The following SCRN1 variants were observed in gnomAD, a reference collection of about 807,000 sequenced individuals.
SCRN1 encodes secernin 1.
In SCRN1, 19 loss-of-function variants were observed where a neutral mutation model predicts 43.3. The observed-to-expected ratio is 0.44, with a 90% CI of 0.31 to 0.64. The LOEUF (loss-of-function observed/expected upper bound fraction) is 0.64, where lower values mean the gene tolerates loss of function less well. SCRN1 is among the 30% of genes least tolerant of loss of function. The pLI is 0.09. For missense variants in SCRN1, 447 were observed against 524.1 expected (o/e 0.85, Z 1.44); for synonymous variants, 183 against 188.9 (o/e 0.97, Z 0.26).
Position 29,943,982 on chromosome 7 carries a change from A to G in SCRN1, c.539T>C (p.Val180Ala). Residue 180 changes from valine (V) to alanine (A), a missense_variant, in exon 4 of 8, where the codon GTC becomes GCC. Val to Ala is a moderately conservative substitution (Grantham distance 64, BLOSUM62 0). Transcript: ENST00000242059. ...TIGKYWAAEK[V>A]TEGVRCICSQ... Reference sequence around the variant, plus strand: ...CATCATCCACACCCACTCACCTGTGACTTTCTCGGCAGCCCAGTACTTCCC... The same window carrying G: ...CATCATCCACACCCACTCACCTGTGGCTTTCTCGGCAGCCCAGTACTTCCC... 6.2e-7 allele frequency: 1 copy of G among 1,614,070 alleles called. No homozygotes were observed. Among genetic ancestry groups the G allele is most frequent in the Non-Finnish European group, 8.5e-7 (1 of 1,179,994 alleles).
intron 3 of SCRN1, among the ~76,000 whole-genome samples, chr7:29,947,467 C>T (rs1787772174): frequency 6.6e-6 from 1 of 152,178 alleles, no homozygotes; most frequent in South Asian, 2.1e-4. Context: ...ACTAGATTTG[C>T]CATGGATATA....
chr7:29,984,173 T>C (rs908983195), intron 1 of SCRN1, among the ~76,000 whole-genome samples: 45 of 127,180 alleles, frequency 3.5e-4, no homozygotes, highest in African/African-American at 1.1e-3. Context: ...ACCACTGCAC[T>C]CCAGCCTGGG....
chr7:29,960,902 T>C (rs78928925), intron 2 of SCRN1, among the ~76,000 whole-genome samples: 2,854 of 152,116 alleles, frequency 0.019, 39 homozygotes, highest in East Asian at 0.041. Flanking sequence ...TCCATCCTAC[T>C]CTGCAACCAA....
At chr7:29,928,993 C>T (rs1349558170) in intron 6 of SCRN1, among the ~76,000 whole-genome samples, 1 of 152,194 alleles carries the variant, frequency 6.6e-6, no homozygotes, top group African/African-American at 2.4e-5. Context: ...AGAGAGCACG[C>T]CTAGCCATCC....
intron 2 of SCRN1, among the ~76,000 whole-genome samples, chr7:29,962,668 A>G (rs776627565): frequency 2.6e-5 from 4 of 152,138 alleles, no homozygotes; most frequent in Non-Finnish European, 5.9e-5. Context: ...AGCCTGGGTG[A>G]CAGAGTGAGA....
chr7:29,983,997 CGAGTTCAAA>C (rs1562825539), intron 1 of SCRN1, among the ~76,000 whole-genome samples: 1 of 151,970 alleles, frequency 6.6e-6, no homozygotes, highest in African/African-American at 2.4e-5. Context: ...CTTGAGGCCA[CGAGTTCAAA>C]AGTAGCCTGG....
At chr7:29,986,945 C>T (rs940148255) in intron 1 of SCRN1, among the ~76,000 whole-genome samples, 5 of 151,876 alleles carry the variant, frequency 3.3e-5, no homozygotes, top group African/African-American at 7.3e-5. Context: ...AGGATGGTCT[C>T]GATCTCCTGA....
At chr7:29,941,555 TGTGA>T (rs1787556641) in intron 4 of SCRN1, among the ~76,000 whole-genome samples, 1 of 152,172 alleles carries the variant, frequency 6.6e-6, no homozygotes, top group African/African-American at 2.4e-5. Context: ...CACACATGCG[TGTGA>T]GTGTGTGAGA....
At chr7:29,953,855 C>T (rs1788039744) in intron 3 of SCRN1, among the ~76,000 whole-genome samples, 1 of 152,060 alleles carries the variant, frequency 6.6e-6, no homozygotes, top group South Asian at 2.1e-4. Context: ...AGGATGTTAG[C>T]TTTGGGAGTT....
chr7:29,951,666 A>G (rs764110679), intron 3 of SCRN1, among the ~76,000 whole-genome samples: 40 of 152,232 alleles, frequency 2.6e-4, no homozygotes, highest in Non-Finnish European at 5.1e-4. Context: ...ACTAGTGGTC[A>G]GAGAACAGTG....
At chr7:29,976,201 T>G (rs902938877) in intron 1 of SCRN1, among the ~76,000 whole-genome samples, 17 of 152,174 alleles carry the variant, frequency 1.1e-4, no homozygotes, top group African/African-American at 3.6e-4. Context: ...ATAGAAATAG[T>G]CTCTATCTGC....
chr7:29,924,412 C>T (rs28737403), intron 7 of SCRN1, among the ~76,000 whole-genome samples: 8 of 152,180 alleles, frequency 5.3e-5, no homozygotes, highest in African/African-American at 1.9e-4. Context: ...CATCTCCCCA[C>T]TCCTCAGCTG....
intron 1 of SCRN1, among the ~76,000 whole-genome samples, chr7:29,979,804 T>A (rs1192919032): frequency 6.6e-6 from 1 of 152,218 alleles, no homozygotes; most frequent in African/African-American, 2.4e-5. Flanking sequence ...ACAGATAACT[T>A]ATGTAGGATT....
chr7:29,960,588 A>G (rs1583680255), intron 2 of SCRN1, among the ~76,000 whole-genome samples: 1 of 152,200 alleles, frequency 6.6e-6, no homozygotes, highest in East Asian at 1.9e-4. Flanking sequence ...TGTAAACCTT[A>G]GCCAAAATCC....
intron 1 of SCRN1, among the ~76,000 whole-genome samples, chr7:29,980,881 G>A (rs981313001): frequency 2.6e-5 from 4 of 152,068 alleles, no homozygotes; most frequent in African/African-American, 9.7e-5. Context: ...GTAAATATAA[G>A]TATAGGTAGG....
rs748742472 is a variant in SCRN1 at position 29,955,323 on chromosome 7, T to C, written c.197A>G (p.Tyr66Cys). The C allele has an allele frequency of 2.5e-6, 4 of 1,614,172 alleles. No individual in the cohort carries two copies. The highest frequency in any genetic ancestry group is 1.1e-5 in the South Asian group (1 of 91,072). The part of the protein sequence containing the change: ...YISIDQVPRT[Y>C]AIMISRPAWL... ...GGCGGGTCTGCTTATCATTATGGCATAGGTCCTTGGAACTTGGTCGATTGA... is the reference window on the plus strand; with the variant it reads ...GGCGGGTCTGCTTATCATTATGGCACAGGTCCTTGGAACTTGGTCGATTGA... The change falls in exon 3 of 8, where the codon TAT becomes TGT. Residue 66 changes from tyrosine to cysteine, a missense_variant. Tyr to Cys is a radical substitution (Grantham distance 194). Transcript: ENST00000242059.
In SCRN1 at chr7:29,969,185, T is replaced by C. The variant is rs1788591525; in HGVS notation, c.-1-117A>G. On this transcript the variant is annotated intron_variant, in intron 1 of 7. Transcript: ENST00000242059. Reference sequence around the variant, plus strand: ...GTTTTACTATTGAACTGTGCACAGCTAGCTCATTAAGAGATCCCAGCTGGC... The same window carrying C: ...GTTTTACTATTGAACTGTGCACAGCCAGCTCATTAAGAGATCCCAGCTGGC... 1.8e-5 allele frequency: 22 copies of C among 1,218,508 alleles called. No homozygotes were observed. The South Asian group carries it at 3.4e-4, about 19-fold the overall frequency. The allele number at this position is 1,218,508 out of a possible 1,614,324, so 75.5% of individuals were successfully genotyped here.
intron 5 of SCRN1, among the ~76,000 whole-genome samples, chr7:29,940,179 CAAATAAAT>C (rs527830892): frequency 5.3e-5 from 8 of 151,208 alleles, no homozygotes; most frequent in African/African-American, 1.2e-4. Context: ...AACAAACAAA[CAAATAAAT>C]AAATAAATAA....
At position 29,943,960 on chromosome 7, in the gene SCRN1, C is replaced by T. The variant is rs1327204201; in HGVS notation, c.544+17G>A. On this transcript the variant is annotated intron_variant, in intron 4 of 7. Transcript: ENST00000242059. ...CTTCCCTGTCCTCAGAACTCTCCAT[C>T]ATCCACACCCACTCACCTGTGACTT... 2 of 1,613,330 alleles carry T rather than the reference C, an allele frequency of 1.2e-6. No individual in the cohort carries two copies. The highest frequency in any genetic ancestry group is 8.5e-7 in the Non-Finnish European group (1 of 1,179,414).
Sources: allele counts gnomAD v4.1 joint callset (sites outside exome capture counted in the v4.1 genomes callset), GRCh38; gene constraint gnomAD v4.1.1; transcripts MANE v1.5; gene names NCBI Gene and HGNC (gene_info 2026-07-23, HGNC 2026-07-21).